Variants in PCSK2 observed in about 807,000 individuals in gnomAD.
PCSK2 encodes the protein proprotein convertase subtilisin/kexin type 2.
PCSK2 carries 14 observed loss-of-function variants against 69.7 expected under a neutral mutation model. The observed-to-expected ratio is 0.20, with a 90% CI of 0.13 to 0.31. The LOEUF (loss-of-function observed/expected upper bound fraction) is 0.31, where lower values mean the gene tolerates loss of function less well. PCSK2 is among the 10% of genes least tolerant of loss of function. PCSK2 has a pLI of 1.00. For synonymous variants in PCSK2, 307 were observed against 320.7 expected (o/e 0.96, Z 0.46); for missense variants, 544 against 842.5 (o/e 0.65, Z 4.39).
Position 17,315,411 on chromosome 20 carries a change from T to C in PCSK2, c.283-42916T>C, listed in dbSNP as rs369098645. On this transcript the variant is annotated intron_variant, in intron 2 of 11. Coordinates refer to ENST00000262545, the MANE Select transcript of PCSK2 (RefSeq NM_002594.5). ...GTGAGCTTGGTTGACCCTGGATGCT[T>C]TTCTGCGCTATAAGGGAACCCGTGG... 2.0e-4 allele frequency among the ~76,000 whole-genome samples: 31 copies of C among 152,328 alleles called. No homozygotes were observed. The East Asian group carries it at 5.0e-3, about 25-fold the overall frequency.
At chr20:17,403,861 G>A (rs895651542) in intron 5 of PCSK2, among the ~76,000 whole-genome samples, 14 of 152,190 alleles carry the variant, frequency 9.2e-5, no homozygotes, top group African/African-American at 3.1e-4. Flanking sequence ...GGTCGGGTTT[G>A]TGCACAACTA....
At chr20:17,244,907 C>T (rs1430364113) in intron 1 of PCSK2, among the ~76,000 whole-genome samples, 10 of 152,312 alleles carry the variant, frequency 6.6e-5, no homozygotes, top group Non-Finnish European at 1.5e-4. Context: ...GCGGTGGCCT[C>T]TTCCTGCCCA....
At chr20:17,417,410 G>A (rs2032024310) in intron 6 of PCSK2, among the ~76,000 whole-genome samples, 1 of 152,056 alleles carries the variant, frequency 6.6e-6, no homozygotes, top group Admixed American at 6.6e-5. Context: ...CATGCCTTAG[G>A]GAGCCAATGA....
chr20:17,472,022 T>C (rs1367409283), intron 11 of PCSK2, among the ~76,000 whole-genome samples: 1 of 152,190 alleles, frequency 6.6e-6, no homozygotes, highest in African/African-American at 2.4e-5. Flanking sequence ...AGAGGCTTTA[T>C]CAAGAGAGTC....
intron 2 of PCSK2, among the ~76,000 whole-genome samples, chr20:17,276,534 G>A (rs1021464560): frequency 5.9e-5 from 9 of 151,904 alleles, no homozygotes; most frequent in African/African-American, 2.2e-4. Context: ...ACAAGATGGG[G>A]CTAGGTTAAT....
intron 8 of PCSK2, among the ~76,000 whole-genome samples, chr20:17,450,017 CTTTTTTTTTTTTT>C (rs61156656): frequency 5.0e-4 from 31 of 61,830 alleles, no homozygotes; most frequent in Admixed American, 3.6e-3. Flanking sequence ...AATTTCTTCC[CTTTTTTTTTTTTT>C]TTTTTTTTTT....
At chr20:17,397,250 G>C (rs556706243) in intron 5 of PCSK2, among the ~76,000 whole-genome samples, 1 of 152,122 alleles carries the variant, frequency 6.6e-6, no homozygotes, top group Non-Finnish European at 1.5e-5. Flanking sequence ...AAAGAAATTA[G>C]CTCCTATTCT....
chr20:17,397,939 C>T (rs2031550334), intron 5 of PCSK2, among the ~76,000 whole-genome samples: 1 of 152,090 alleles, frequency 6.6e-6, no homozygotes, highest in Non-Finnish European at 1.5e-5. Context: ...TGAGACATGC[C>T]AAGGAGTTCT....
intron 10 of PCSK2, chr20:17,463,934 C>T (rs1248474381): frequency 6.6e-5 from 10 of 152,172 alleles, no homozygotes; most frequent in Admixed American, 4.6e-4. Flanking sequence ...CCAGAATCCT[C>T]GGTGAGTAAT....
intron 2 of PCSK2, among the ~76,000 whole-genome samples, chr20:17,340,339 C>T (rs1258059135): frequency 6.6e-6 from 1 of 152,166 alleles, no homozygotes; most frequent in Non-Finnish European, 1.5e-5. Flanking sequence ...GCTCTGTGTC[C>T]TACACGCCTA....
At chr20:17,299,701 T>C (rs1328148681) in intron 2 of PCSK2, among the ~76,000 whole-genome samples, 1 of 152,182 alleles carries the variant, frequency 6.6e-6, no homozygotes, top group East Asian at 1.9e-4. Context: ...TTCTTAAGTT[T>C]ACCTTTTCCT....
At chr20:17,474,592 C>G (rs148244798) in intron 11 of PCSK2, among the ~76,000 whole-genome samples, 1 of 152,140 alleles carries the variant, frequency 6.6e-6, no homozygotes, top group African/African-American at 2.4e-5. Flanking sequence ...TTTTCCCTCC[C>G]TTAGTCTTAG....
chr20:17,293,038 T>C (rs1988750483), intron 2 of PCSK2, among the ~76,000 whole-genome samples: 1 of 152,154 alleles, frequency 6.6e-6, no homozygotes, highest in Non-Finnish European at 1.5e-5. Flanking sequence ...TTGGCCAGGC[T>C]GGTCTTGAAC....
intron 2 of PCSK2, among the ~76,000 whole-genome samples, chr20:17,268,029 ATG>A (rs1416851305): frequency 0.013 from 551 of 43,382 alleles, 18 homozygotes; most frequent in South Asian, 0.05. Flanking sequence ...TATATATCCA[ATG>A]TGTATATATA....
At chr20:17,443,706 C>T (rs1227424844) in intron 8 of PCSK2, among the ~76,000 whole-genome samples, 8 of 152,208 alleles carry the variant, frequency 5.3e-5, no homozygotes, top group Non-Finnish European at 2.9e-5. Flanking sequence ...GACTTCTGCA[C>T]TTCTCCACTG....
At chr20:17,335,857 GGTGTGTGT>G (rs3138653) in intron 2 of PCSK2, among the ~76,000 whole-genome samples, 66 of 142,808 alleles carry the variant, frequency 4.6e-4, no homozygotes, top group South Asian at 1.2e-3. Flanking sequence ...AGTAGTCCAT[GGTGTGTGT>G]GTGTGTGTGT....
chr20:17,324,433 A>G (rs1416637740), intron 2 of PCSK2, among the ~76,000 whole-genome samples: 1 of 152,178 alleles, frequency 6.6e-6, no homozygotes, highest in Non-Finnish European at 1.5e-5. Flanking sequence ...CAGAAGTAGA[A>G]TCTGGGTAAC....
chr20:17,235,030 G>A (rs1986285213), intron 1 of PCSK2, among the ~76,000 whole-genome samples: 3 of 152,140 alleles, frequency 2.0e-5, no homozygotes, highest in African/African-American at 4.8e-5. Context: ...AAGAAGTCAA[G>A]AAATTACATC....
chr20:17,398,628 A>C (rs2031567842), intron 5 of PCSK2, among the ~76,000 whole-genome samples: 1 of 151,924 alleles, frequency 6.6e-6, no homozygotes, highest in Non-Finnish European at 1.5e-5. Flanking sequence ...CTGCTAGTAC[A>C]CAGATCACAT....
Sources: allele counts gnomAD v4.1 joint callset (sites outside exome capture counted in the v4.1 genomes callset), GRCh38; gene constraint gnomAD v4.1.1; transcripts MANE v1.5; gene names NCBI Gene and HGNC (gene_info 2026-07-23, HGNC 2026-07-21).